Variants in TTYH2 observed in about 807,000 individuals in gnomAD.
TTYH2 encodes tweety family member 2.
A neutral mutation model predicts 68.3 loss-of-function variants in TTYH2; 49 were observed. The ratio of observed to expected loss-of-function variants is 0.72; its 90% CI spans 0.57 to 0.91. The LOEUF (loss-of-function observed/expected upper bound fraction) is 0.91. Ranked by LOEUF, TTYH2 falls within the 40% of genes least tolerant of loss-of-function variation. The pLI, the probability that TTYH2 is intolerant of heterozygous loss-of-function variation, is 0.00. For missense variants in TTYH2, 631 were observed against 700.4 expected (o/e 0.90, Z 1.12); for synonymous variants, 272 against 300.8 (o/e 0.90, Z 0.99).
intron 13 of TTYH2, among the ~76,000 whole-genome samples, chr17:74,256,416 G>A (rs189788602): frequency 0.017 from 2,621 of 152,170 alleles, 38 homozygotes; most frequent in Non-Finnish European, 0.023. Flanking sequence ...TGTCCTCTGC[G>A]TGTGGGATGT....
In TTYH2 at chr17:74,215,419, C is replaced by T. The variant is rs1159372016; in HGVS notation, c.129+1703C>T. ...TGGTGGATCCTGGGCCTGCCCACAG[C>T]CCCCTCAGTCCCATGGGCAGGTGGC... On this transcript the variant is annotated intron_variant, in intron 1 of 13. Transcript: ENST00000269346. This position sits in a 1 kb window ranked among gnomAD's most constrained non-coding sequence, Gnocchi z 4.3. Among the ~76,000 whole-genome samples the T allele has an allele frequency of 1.3e-5, 2 of 152,180 alleles. No individual in the cohort carries two copies. The highest frequency in any genetic ancestry group is 2.9e-5 in the Non-Finnish European group (2 of 68,028).
chr17:74,213,742 A>C lies in TTYH2; in HGVS notation c.129+26A>C. 1 of 1,605,050 alleles carries C rather than the reference A, an allele frequency of 6.2e-7. No homozygotes were observed. On this transcript the variant is annotated intron_variant, in intron 1 of 13. Coordinates refer to ENST00000269346, the MANE Select transcript of TTYH2 (RefSeq NM_032646.6). This position sits in a 1 kb window ranked among gnomAD's most constrained non-coding sequence, Gnocchi z 6.1. ...GTAAGTTTACGCCGCCCCAGACCGC[A>C]GCCACGCGCGCCCCAAGTCCCCGCA...
chr17:74,256,355 C>T (rs2050693650), intron 13 of TTYH2, among the ~76,000 whole-genome samples: 1 of 152,088 alleles, frequency 6.6e-6, no homozygotes. Flanking sequence ...GGGAGTGGAG[C>T]ACCCACCACA....
rs1031171600 is a variant in TTYH2, at chr17:74,219,387, C to CAAAAAAAAAAAAAAAAA, written c.130-3082_130-3081insAAAAAAAAAAAAAAAAA. 7.5e-4 allele frequency among the ~76,000 whole-genome samples: 66 copies of CAAAAAAAAAAAAAAAAA among 88,428 alleles called. 5 individuals carry two copies. The highest frequency in any genetic ancestry group is 3.1e-3 in the African/African-American group (52 of 16,916). 58.0% of individuals were successfully genotyped at this position (88,428 alleles called of 152,430 possible). ...CTGGCGACAGAGCAAGACTCCGTGTCAAAAAAAAAAAAAAAAGAATAACTT... is the reference window on the plus strand; with the variant it reads ...CTGGCGACAGAGCAAGACTCCGTGTCAAAAAAAAAAAAAAAAAAAAAAAAAAAAAAAAAGAATAACTT... On this transcript the variant is annotated intron_variant, in intron 1 of 13. Coordinates refer to ENST00000269346, the MANE Select transcript of TTYH2 (RefSeq NM_032646.6).
chr17:74,256,654 A>C (rs1479837216), intron 13 of TTYH2, among the ~76,000 whole-genome samples: 1 of 151,790 alleles, frequency 6.6e-6, no homozygotes, highest in African/African-American at 2.4e-5. Flanking sequence ...TTTATTATTT[A>C]TGTTTATTTT....
At chr17:74,248,945 C>T (rs967315376) in intron 6 of TTYH2, 66 bp from the exon 7 acceptor site, 135 of 1,607,756 alleles carry the variant, frequency 8.4e-5, no homozygotes, top group Non-Finnish European at 1.1e-4. Context: ...GCTCCCGGCT[C>T]CTCCCAGGGC....
chr17:74,245,718 G>C (rs984056248), intron 6 of TTYH2, among the ~76,000 whole-genome samples: 1 of 152,224 alleles, frequency 6.6e-6, no homozygotes, highest in Non-Finnish European at 1.5e-5. Context: ...TGGAGATGCT[G>C]CTGCATTTTA....
intron 4 of TTYH2, among the ~76,000 whole-genome samples, chr17:74,238,543 C>T (rs1191915975): frequency 6.6e-6 from 1 of 152,114 alleles, no homozygotes; most frequent in Non-Finnish European, 1.5e-5. Context: ...GGACTACAGG[C>T]ATACAACCAC....
At chr17:74,257,190 C>G (rs1445070278) in intron 13 of TTYH2, among the ~76,000 whole-genome samples, 20 of 152,226 alleles carry the variant, frequency 1.3e-4, no homozygotes, top group Admixed American at 1.3e-3. Context: ...GCCACTCATC[C>G]TGCCGTTAGC....
At chr17:74,250,182 C>T in intron 9 of TTYH2, 83 bp from the exon 10 acceptor site, 1 of 1,491,276 alleles carries the variant, frequency 6.7e-7, no homozygotes, top group Non-Finnish European at 9.2e-7. Flanking sequence ...TCTAGAGGCC[C>T]CTGAGCACAG....
chr17:74,236,635 C>T (rs1181788030), intron 3 of TTYH2, among the ~76,000 whole-genome samples: 3 of 152,208 alleles, frequency 2.0e-5, no homozygotes, highest in African/African-American at 4.8e-5. Context: ...GATGTGCCCA[C>T]ACTCCCAGCG....
At position 74,242,889 on chromosome 17, in the gene TTYH2, C is replaced by T. The variant is rs542601802; in HGVS notation, c.636-485C>T. On this transcript the variant is annotated intron_variant, in intron 4 of 13. Transcript: ENST00000269346. Reference sequence around the variant, plus strand: ...AAGCAAAGGGAAGCAGGGTCCTAGGCGATGCCTGCTGGGAGGCCGCAGAAA... The same window carrying T: ...AAGCAAAGGGAAGCAGGGTCCTAGGTGATGCCTGCTGGGAGGCCGCAGAAA... Among the ~76,000 whole-genome samples the T allele has an allele frequency of 2.6e-5, 4 of 152,274 alleles. 1 individual carries two copies. Among genetic ancestry groups the T allele is most frequent in the South Asian group, 2.1e-4 (1 of 4,818 alleles).
chr17:74,228,082 C>T (rs184201490), intron 2 of TTYH2, among the ~76,000 whole-genome samples: 8 of 149,396 alleles, frequency 5.4e-5, no homozygotes, highest in Non-Finnish European at 8.9e-5. Flanking sequence ...CTCCTGGGTT[C>T]TAGCGATTCT....
At chr17:74,220,611 G>A (rs2050266077) in intron 1 of TTYH2, among the ~76,000 whole-genome samples, 2 of 152,178 alleles carry the variant, frequency 1.3e-5, no homozygotes, top group South Asian at 4.1e-4. Flanking sequence ...CAGAAGAGGG[G>A]CAGTGACTTT....
chr17:74,247,466 AT>A (rs1441699767), intron 6 of TTYH2, among the ~76,000 whole-genome samples: 2 of 152,094 alleles, frequency 1.3e-5, no homozygotes, highest in African/African-American at 4.8e-5. Flanking sequence ...ATCCCAGGAG[AT>A]GGAGGCTCCA....
intron 2 of TTYH2, among the ~76,000 whole-genome samples, chr17:74,226,469 T>C (rs1384942813): frequency 6.6e-6 from 1 of 152,056 alleles, no homozygotes; most frequent in South Asian, 2.1e-4. Context: ...GGAAAAACCC[T>C]TGGGTTAAGT....
At chr17:74,235,177 A>G (rs962746369) in intron 3 of TTYH2, among the ~76,000 whole-genome samples, 3 of 152,268 alleles carry the variant, frequency 2.0e-5, no homozygotes, top group African/African-American at 7.2e-5. Flanking sequence ...CTCCCAGCGT[A>G]GCGCAGATGT....
At chr17:74,254,567 G>A (rs561846147) in intron 13 of TTYH2, among the ~76,000 whole-genome samples, 2 of 152,334 alleles carry the variant, frequency 1.3e-5, no homozygotes, top group Admixed American at 6.5e-5. Context: ...CTGTCACTGA[G>A]AAGGAGATGA....
chr17:74,213,782 C>T lies in TTYH2; in HGVS notation c.129+66C>T, dbSNP rs548078575. The T allele has an allele frequency of 4.5e-6, 7 of 1,564,364 alleles. No homozygotes were observed. The East Asian group carries it at 1.4e-4, about 32-fold the overall frequency. On this transcript the variant is annotated intron_variant, in intron 1 of 13. Coordinates refer to ENST00000269346, the MANE Select transcript of TTYH2 (RefSeq NM_032646.6). The surrounding 1 kb of genome is among the most constrained non-coding windows in gnomAD (Gnocchi z 6.1). Reference sequence around the variant, plus strand: ...AAGTCCCCGCACTACCCCCTCTCCCCTCGAGAGCCTGCACTTTCCCACGTG... The same window carrying T: ...AAGTCCCCGCACTACCCCCTCTCCCTTCGAGAGCCTGCACTTTCCCACGTG...
Sources: gnomAD v4.1 joint callset for allele counts (sites outside exome capture counted in the v4.1 genomes callset) on GRCh38, gnomAD v4.1.1 for gene constraint, Gnocchi (gnomAD v3.1) non-coding constraint, MANE v1.5 for transcripts, NCBI Gene and HGNC (gene_info 2026-07-23, HGNC 2026-07-21) for gene names.